Variants in CFAP57 observed in about 807,000 individuals in gnomAD.
The protein encoded by CFAP57 is cilia and flagella associated protein 57.
CFAP57 carries 116 observed loss-of-function variants against 146.8 expected under a neutral mutation model. That is an observed-to-expected ratio of 0.79 (90% confidence interval 0.68 to 0.92). The LOEUF (loss-of-function observed/expected upper bound fraction) is 0.92, where lower values mean the gene tolerates loss of function less well. CFAP57 is among the 40% of genes least tolerant of loss of function. The pLI is 0.00. For synonymous variants in CFAP57, 518 were observed against 552.8 expected (o/e 0.94, Z 0.88); for missense variants, 1,377 against 1,527.2 (o/e 0.90, Z 1.64).
At chr1:43,205,130 G>A (rs1363029089) in intron 9 of CFAP57, among the ~76,000 whole-genome samples, 1 of 152,172 alleles carries the variant, frequency 6.6e-6, no homozygotes, top group Non-Finnish European at 1.5e-5. Flanking sequence ...CTCTAGAGTT[G>A]TCTGTTATCC....
intron 17 of CFAP57, among the ~76,000 whole-genome samples, chr1:43,226,276 C>T (rs576340625): frequency 8.9e-4 from 136 of 152,334 alleles, no homozygotes; most frequent in African/African-American, 3.1e-3. Context: ...TCTCTGTCCC[C>T]GATGTCTGGG....
chr1:43,221,390 G>A lies in CFAP57; in HGVS notation c.2266G>A (p.Glu756Lys). Residue 756 changes from glutamate (E) to lysine (K), a missense_variant, in exon 14 of 23, where the codon GAG becomes AAG. Glu to Lys is a moderately conservative substitution (Grantham distance 56, BLOSUM62 1). Transcript: ENST00000372492. ...TKNQVLRTEK[E>K]KQDVYHHEHI... ...GTTTTAGGTCTTAAGAACAGAAAAAGAGAAGCAGGATGTTTATCACCATGA... is the reference window on the plus strand; with the variant it reads ...GTTTTAGGTCTTAAGAACAGAAAAAAAGAAGCAGGATGTTTATCACCATGA... 2 of 1,542,556 alleles carry A rather than the reference G, an allele frequency of 1.3e-6. No individual in the cohort carries two copies. Among genetic ancestry groups the A allele is most frequent in the Non-Finnish European group, 1.8e-6 (2 of 1,142,564 alleles).
At chr1:43,221,761 GA>G (rs1055331145) in intron 14 of CFAP57, among the ~76,000 whole-genome samples, 1 of 152,162 alleles carries the variant, frequency 6.6e-6, no homozygotes, top group Non-Finnish European at 1.5e-5. Context: ...GTGCTCTGGG[GA>G]GTCACCTAAC....
At chr1:43,177,526 AT>A (rs1645218949) in intron 2 of CFAP57, among the ~76,000 whole-genome samples, 1 of 152,136 alleles carries the variant, frequency 6.6e-6, no homozygotes, top group African/African-American at 2.4e-5. Context: ...TAGGAAAGGA[AT>A]TTGAGGGTCA....
intron 18 of CFAP57, chr1:43,232,197 C>T: frequency 1.6e-6 from 1 of 630,182 alleles, no homozygotes; most frequent in Non-Finnish European, 2.9e-6. Context: ...TTGGGTGTCA[C>T]CAATTTATAA....
intron 6 of CFAP57, among the ~76,000 whole-genome samples, chr1:43,188,532 G>A (rs940866561): frequency 4.6e-5 from 7 of 152,152 alleles, no homozygotes; most frequent in Non-Finnish European, 7.4e-5. Context: ...GGTGATTAAT[G>A]ATGAACGTCT....
rs772641345 is a variant in CFAP57 at position 43,222,219 on chromosome 1, C to A, written c.2456C>A (p.Thr819Asn). The A allele has an allele frequency of 4.8e-5, 73 of 1,526,768 alleles. No homozygotes were observed. The highest frequency in any genetic ancestry group is 9.7e-6 in the Non-Finnish European group (11 of 1,135,234). 94.6% of individuals were successfully genotyped at this position (1,526,768 alleles called of 1,614,324 possible). The change falls in exon 15 of 23, where the codon ACC becomes AAC. Residue 819 changes from threonine (T) to asparagine (N), a missense_variant. Physicochemically the swap from Thr to Asn is moderately conservative, Grantham distance 65. Transcript: ENST00000372492. Reference protein sequence around the residue: ...YEKQLRDNDETKSQALEELTE... With the variant: ...YEKQLRDNDENKSQALEELTE... Reference sequence around the variant, plus strand: ...AAACAGCTCCGGGATAACGATGAGACCAAGAGCCAGGCCCTGGAGGAGCTG... The same window carrying A: ...AAACAGCTCCGGGATAACGATGAGAACAAGAGCCAGGCCCTGGAGGAGCTG...
intron 6 of CFAP57, among the ~76,000 whole-genome samples, chr1:43,189,920 T>C (rs1470507433): frequency 1.3e-5 from 2 of 152,158 alleles, no homozygotes; most frequent in African/African-American, 4.8e-5. Context: ...GGGATGTCAC[T>C]AAACCATTCA....
At chr1:43,248,406 C>G (rs891092550) in intron 22 of CFAP57, among the ~76,000 whole-genome samples, 1 of 151,120 alleles carries the variant, frequency 6.6e-6, no homozygotes, top group African/African-American at 2.4e-5. Flanking sequence ...CAAGCCCTGC[C>G]TCCCGGGTTG....
intron 14 of CFAP57, 140 bp from the exon 15 acceptor site, chr1:43,221,965 A>T: frequency 1.6e-6 from 1 of 644,698 alleles, no homozygotes; most frequent in Non-Finnish European, 2.4e-6. Context: ...CAAGGAAGCT[A>T]GGCAGGCATT....
intron 21 of CFAP57, 34 bp from the exon 22 acceptor site, chr1:43,243,193 T>A: frequency 6.5e-7 from 1 of 1,547,078 alleles, no homozygotes; most frequent in Non-Finnish European, 8.7e-7. Context: ...CACTCATCCA[T>A]CCACCCTCCC....
chr1:43,204,627 C>T (rs775979738), intron 9 of CFAP57, among the ~76,000 whole-genome samples: 2 of 152,130 alleles, frequency 1.3e-5, no homozygotes, highest in African/African-American at 4.8e-5. Flanking sequence ...TTTCTTTTAG[C>T]CTGGCTACCT....
At chr1:43,178,864 A>G (rs1360311124) in intron 2 of CFAP57, among the ~76,000 whole-genome samples, 4 of 152,252 alleles carry the variant, frequency 2.6e-5, no homozygotes, top group Non-Finnish European at 4.4e-5. Flanking sequence ...TGTTCACAAT[A>G]GCAAAGACTT....
At chr1:43,239,989 T>C (rs1557829327) in intron 21 of CFAP57, among the ~76,000 whole-genome samples, 1 of 152,204 alleles carries the variant, frequency 6.6e-6, no homozygotes, top group Non-Finnish European at 1.5e-5. Context: ...GGGTCCAAGG[T>C]CCATAACCCA....
At chr1:43,253,799 T>C (rs1646378289) in intron 22 of CFAP57, among the ~76,000 whole-genome samples, 178 bp from the exon 23 acceptor site, 1 of 152,082 alleles carries the variant, frequency 6.6e-6, no homozygotes, top group African/African-American at 2.4e-5. Context: ...GCTGCTTCAC[T>C]TCTCCATCTC....
chr1:43,217,503 C>T (rs1485297672), intron 12 of CFAP57, among the ~76,000 whole-genome samples: 1 of 152,112 alleles, frequency 6.6e-6, no homozygotes, highest in Non-Finnish European at 1.5e-5. Context: ...GGGGATAAAG[C>T]AGAGAAGCAA....
In CFAP57 at chr1:43,199,260, C is replaced by A. The variant is rs1644004866; in HGVS notation, c.1429-130C>A. ...CAGCCACTCCTCAGTCTCATTTGCA[C>A]CTTCCCCCCACTCCCACCCTCACAC... On this transcript the variant is annotated intron_variant, in intron 8 of 22. Transcript: ENST00000372492. The A allele has an allele frequency of 5.9e-6, 5 of 853,934 alleles. No individual in the cohort carries two copies. In the South Asian group the frequency reaches 6.7e-5, roughly 11 times the overall value. 52.9% of individuals were successfully genotyped at this position (853,934 alleles called of 1,614,324 possible).
chr1:43,251,398 C>T (rs563848037), intron 22 of CFAP57, among the ~76,000 whole-genome samples: 15 of 152,286 alleles, frequency 9.8e-5, no homozygotes, highest in Admixed American at 7.2e-4. Flanking sequence ...AAGGGCCACC[C>T]GGTGCAGTGA....
rs140623499 is a variant in CFAP57, at chr1:43,181,665, C to T, written c.289C>T (p.Arg97Cys). ...YELSSIPCRK[R>C]KVLNNFDFQV... ...ATTGTCATCCATCCCTTGCCGGAAG[C>T]GCAAAGTTCTTAATAATTTTGACTT... The change falls in exon 3 of 23, where the codon CGC becomes TGC. Residue 97 changes from arginine to cysteine, a missense_variant. Physicochemically the swap from Arg to Cys is radical, Grantham distance 180. Coordinates refer to ENST00000372492, the MANE Select transcript of CFAP57 (RefSeq NM_001378189.1). 1.3e-5 allele frequency: 21 copies of T among 1,614,062 alleles called. No individual in the cohort carries two copies. Among genetic ancestry groups the T allele is most frequent in the East Asian group, 6.7e-5 (3 of 44,900 alleles).
Sources: gnomAD v4.1 joint callset for allele counts (sites outside exome capture counted in the v4.1 genomes callset) on GRCh38, gnomAD v4.1.1 for gene constraint, MANE v1.5 for transcripts, NCBI Gene and HGNC (gene_info 2026-07-23, HGNC 2026-07-21) for gene names.